Variants in TRPM3 observed in about 807,000 individuals in gnomAD.
TRPM3 encodes the protein long transient receptor potential channel 3.
Under a neutral mutation model 181.2 loss-of-function variants are expected in TRPM3, and 77 were observed. The ratio of observed to expected loss-of-function variants is 0.42; its 90% confidence interval spans 0.35 to 0.51. TRPM3 has a LOEUF of 0.51. TRPM3 is among the 20% of genes least tolerant of loss of function. The pLI, the probability that TRPM3 is intolerant of heterozygous loss-of-function variation, is 0.01. For missense variants in TRPM3, 1,759 were observed against 2,196.7 expected (o/e 0.80, Z 3.98); for synonymous variants, 745 against 796.4 (o/e 0.94, Z 1.09).
At chr9:70,796,815 C>A (rs2131129252) in intron 6 of TRPM3, among the ~76,000 whole-genome samples, 1 of 151,932 alleles carries the variant, frequency 6.6e-6, no homozygotes, top group East Asian at 1.9e-4. Flanking sequence ...CGTAGTTGCT[C>A]TCTGACATTT....
At chr9:71,306,128 A>G (rs187448945) in intron 1 of TRPM3, among the ~76,000 whole-genome samples, 2 of 152,300 alleles carry the variant, frequency 1.3e-5, no homozygotes, top group African/African-American at 4.8e-5. Flanking sequence ...AGAAATGTAG[A>G]GAGCACACGG....
chr9:70,879,456 T>C (rs2095940535), intron 1 of TRPM3, among the ~76,000 whole-genome samples: 1 of 152,112 alleles, frequency 6.6e-6, no homozygotes, highest in African/African-American at 2.4e-5. Flanking sequence ...CCTAAATCTT[T>C]ACAATGGACT....
intron 25 of TRPM3, among the ~76,000 whole-genome samples, chr9:70,545,895 G>A (rs914997462): frequency 3.9e-5 from 6 of 152,130 alleles, no homozygotes; most frequent in Admixed American, 3.9e-4. Context: ...TCCTAAGACT[G>A]GTAGCATAGG....
chr9:70,933,770 G>A (rs1011692968), intron 1 of TRPM3, among the ~76,000 whole-genome samples: 3 of 151,662 alleles, frequency 2.0e-5, no homozygotes, highest in Non-Finnish European at 2.9e-5. Context: ...TTGAAGGGAA[G>A]AACCCTGGTT....
At chr9:71,101,487 C>G (rs2068370517) in intron 1 of TRPM3, among the ~76,000 whole-genome samples, 1 of 152,044 alleles carries the variant, frequency 6.6e-6, no homozygotes, top group Non-Finnish European at 1.5e-5. Context: ...GAAGACAGGG[C>G]TAGGAGAGTA....
chr9:71,220,697 AATGGATTTAATAACATAG>A (rs1373733821), intron 1 of TRPM3, among the ~76,000 whole-genome samples: 3 of 152,134 alleles, frequency 2.0e-5, no homozygotes, highest in Non-Finnish European at 4.4e-5. Context: ...CTCCTTCTAG[AATGGATTTAATAACATAG>A]CACAGATTTT....
At chr9:70,895,018 G>A (rs1347112114) in intron 1 of TRPM3, among the ~76,000 whole-genome samples, 6 of 152,240 alleles carry the variant, frequency 3.9e-5, no homozygotes, top group African/African-American at 1.4e-4. Context: ...TTAAGAGCTT[G>A]TATTTCTTCA....
At position 70,935,542 on chromosome 9, in the gene TRPM3, C is replaced by T. The variant is rs2096820934; in HGVS notation, c.178-71031G>A. Reference sequence around the variant, plus strand: ...ATAGGTTGCCTGCAAATTTACCTAGCCTTTTGTTTGTACACACCCAAAATG... The same window carrying T: ...ATAGGTTGCCTGCAAATTTACCTAGTCTTTTGTTTGTACACACCCAAAATG... On this transcript the variant is annotated intron_variant, in intron 1 of 25. Coordinates refer to ENST00000677713, the MANE Select transcript of TRPM3 (RefSeq NM_001366145.2). 2.0e-5 allele frequency among the ~76,000 whole-genome samples: 3 copies of T among 152,166 alleles called. No individual in the cohort carries two copies. The South Asian group carries it at 6.2e-4, about 32-fold the overall frequency.
intron 25 of TRPM3, among the ~76,000 whole-genome samples, chr9:70,540,921 C>T (rs1054082378): frequency 2.0e-5 from 3 of 152,118 alleles, no homozygotes; most frequent in African/African-American, 7.2e-5. Flanking sequence ...AGGGTTTCAC[C>T]ATGTTGCCTA....
At chr9:71,105,292 A>G (rs925418426) in intron 1 of TRPM3, among the ~76,000 whole-genome samples, 3 of 152,198 alleles carry the variant, frequency 2.0e-5, no homozygotes, top group African/African-American at 7.2e-5. Context: ...ATGGCCAATC[A>G]GATGTGGCCA....
At chr9:70,937,904 T>G (rs1022078044) in intron 1 of TRPM3, among the ~76,000 whole-genome samples, 7 of 152,132 alleles carry the variant, frequency 4.6e-5, no homozygotes, top group Admixed American at 2.6e-4. Flanking sequence ...CTTCTAAAAT[T>G]TAATACAATT....
chr9:70,662,780 A>C (rs2061315034), intron 9 of TRPM3, among the ~76,000 whole-genome samples: 1 of 152,146 alleles, frequency 6.6e-6, no homozygotes, highest in Non-Finnish European at 1.5e-5. Context: ...AAACACTTTT[A>C]CACTGCTGAT....
chr9:71,400,936 G>A (rs1055583331), intron 1 of TRPM3, among the ~76,000 whole-genome samples: 2 of 152,094 alleles, frequency 1.3e-5, no homozygotes, highest in Non-Finnish European at 2.9e-5. Context: ...AGTGGCTCAT[G>A]CCTGTAATCC....
At chr9:70,633,879 G>A (rs1173631428) in intron 12 of TRPM3, among the ~76,000 whole-genome samples, 4 of 152,168 alleles carry the variant, frequency 2.6e-5, no homozygotes, top group Non-Finnish European at 5.9e-5. Flanking sequence ...GTGGGCAAAT[G>A]TGTGCATACA....
chr9:70,545,649 C>T lies in TRPM3; in HGVS notation c.3707+3893G>A, dbSNP rs1482319179. On this transcript the variant is annotated intron_variant, in intron 25 of 25. Transcript: ENST00000677713. ...GCAGCCTCCACCTCCCGGGTTCAAGCGATTTTCCTGCCTTAGCTCCCACAA... is the reference window on the plus strand; with the variant it reads ...GCAGCCTCCACCTCCCGGGTTCAAGTGATTTTCCTGCCTTAGCTCCCACAA... Among the ~76,000 whole-genome samples, 7 of 141,390 alleles carry T rather than the reference C, an allele frequency of 5.0e-5. No individual in the cohort carries two copies. In the South Asian group the frequency reaches 1.1e-3, roughly 23 times the overall value. The allele number at this position is 141,390 out of a possible 152,430, so 92.8% of individuals were successfully genotyped here. A position where few individuals can be genotyped will look rare whatever the true frequency, so the allele number is the denominator to read the frequency against.
intron 1 of TRPM3, among the ~76,000 whole-genome samples, chr9:71,063,262 T>C (rs2061529833): frequency 6.6e-6 from 1 of 152,130 alleles, no homozygotes; most frequent in Non-Finnish European, 1.5e-5. Flanking sequence ...GGAATGCTGC[T>C]CCTATGCAGG....
intron 6 of TRPM3, among the ~76,000 whole-genome samples, chr9:70,798,407 A>G (rs2087840950): frequency 6.6e-6 from 1 of 152,158 alleles, no homozygotes; most frequent in South Asian, 2.1e-4. Flanking sequence ...GTCAAACTTC[A>G]TAGTTCAAAT....
chr9:71,157,995 T>C (rs1036458847), intron 1 of TRPM3, among the ~76,000 whole-genome samples: 1 of 152,170 alleles, frequency 6.6e-6, no homozygotes, highest in African/African-American at 2.4e-5. Flanking sequence ...GAGGTTAATA[T>C]AACTTGTCAT....
chr9:71,034,730 T>G (rs2057974209), intron 1 of TRPM3, among the ~76,000 whole-genome samples: 1 of 151,742 alleles, frequency 6.6e-6, no homozygotes, highest in African/African-American at 2.4e-5. Context: ...AAATCAACAA[T>G]GCTACCAATT....
Sources: allele counts gnomAD v4.1 joint callset (sites outside exome capture counted in the v4.1 genomes callset), GRCh38; gene constraint gnomAD v4.1.1; transcripts MANE v1.5; gene names NCBI Gene and HGNC (gene_info 2026-07-23, HGNC 2026-07-21).